Variants in EPHA5 observed in about 807,000 individuals in gnomAD.
EPHA5 encodes the protein ephrin type-A receptor 5.
In EPHA5, 60 loss-of-function variants were observed where a neutral mutation model predicts 105.0. The ratio of observed to expected loss-of-function variants is 0.57; its 90% confidence interval spans 0.46 to 0.71. The LOEUF is 0.71. Among genes scored for constraint, EPHA5 ranks in the 30% least tolerant of loss-of-function variants. The probability of loss-of-function intolerance (pLI) is 0.00; values close to 1 mark genes in which losing one functional copy is unlikely to be tolerated. For missense variants in EPHA5, 1,218 were observed against 1,274.7 expected (o/e 0.96, Z 0.68); for synonymous variants, 513 against 449.1 (o/e 1.14, Z -1.80).
At chr4:65,631,279 G>A (rs1478668500) in intron 2 of EPHA5, among the ~76,000 whole-genome samples, 5 of 152,056 alleles carry the variant, frequency 3.3e-5, no homozygotes, top group African/African-American at 1.2e-4. Flanking sequence ...TCATATCAGT[G>A]AAAAACAATT....
chr4:65,646,119 C>G (rs1578677406), intron 1 of EPHA5, among the ~76,000 whole-genome samples: 1 of 152,180 alleles, frequency 6.6e-6, no homozygotes, highest in South Asian at 2.1e-4. Context: ...CTAACGTTTC[C>G]TTTGTCCTTC....
chr4:65,373,298 C>T (rs1326391380), intron 8 of EPHA5, among the ~76,000 whole-genome samples: 4 of 151,848 alleles, frequency 2.6e-5, no homozygotes, highest in African/African-American at 9.7e-5. Context: ...AACAACACCC[C>T]CATCTGCCTA....
At chr4:65,462,525 G>A (rs1212974263) in intron 5 of EPHA5, among the ~76,000 whole-genome samples, 5 of 152,142 alleles carry the variant, frequency 3.3e-5, no homozygotes, top group African/African-American at 9.7e-5. Context: ...CTGGGCACTA[G>A]GCTTGTCCAA....
At chr4:65,546,565 AT>A (rs1737393427) in intron 3 of EPHA5, among the ~76,000 whole-genome samples, 1 of 151,994 alleles carries the variant, frequency 6.6e-6, no homozygotes, top group African/African-American at 2.4e-5. Flanking sequence ...AGTGAGACAT[AT>A]TTGCAAATGT....
At chr4:65,451,946 C>A (rs925769625) in intron 5 of EPHA5, among the ~76,000 whole-genome samples, 17 of 152,084 alleles carry the variant, frequency 1.1e-4, no homozygotes, top group Admixed American at 1.0e-3. Context: ...ACATTTTCTT[C>A]TTTAAATGTC....
intron 3 of EPHA5, among the ~76,000 whole-genome samples, chr4:65,572,935 G>A (rs978045091): frequency 6.6e-6 from 1 of 151,966 alleles, no homozygotes; most frequent in Non-Finnish European, 1.5e-5. Flanking sequence ...GGAGACTTAG[G>A]CAAGAGAATC....
At chr4:65,654,241 GAA>G (rs35249905) in intron 1 of EPHA5, among the ~76,000 whole-genome samples, 2 of 136,092 alleles carry the variant, frequency 1.5e-5, no homozygotes, top group Admixed American at 1.5e-4. Flanking sequence ...CTTCTTTCTT[GAA>G]AAAAAAAAAA....
At chr4:65,330,955 G>A in intron 16 of EPHA5, 1 of 1,043,472 alleles carries the variant, frequency 9.6e-7, no homozygotes, top group Non-Finnish European at 1.2e-6. Flanking sequence ...GTGATAAATG[G>A]TGGTACCCTG....
chr4:65,445,476 G>A (rs1389762038), intron 5 of EPHA5, among the ~76,000 whole-genome samples: 2 of 152,062 alleles, frequency 1.3e-5, no homozygotes, highest in African/African-American at 4.8e-5. Flanking sequence ...TATGAGAAAA[G>A]TTAATTGGTC....
At chr4:65,625,583 G>C (rs1161324718) in intron 2 of EPHA5, among the ~76,000 whole-genome samples, 1 of 151,994 alleles carries the variant, frequency 6.6e-6, no homozygotes, top group Non-Finnish European at 1.5e-5. Flanking sequence ...TCTTTAGTAA[G>C]TTGTAGTAAT....
intron 14 of EPHA5, among the ~76,000 whole-genome samples, chr4:65,337,565 A>C (rs1035063891): frequency 6.6e-6 from 1 of 152,108 alleles, no homozygotes; most frequent in Non-Finnish European, 1.5e-5. Flanking sequence ...AGTAGTTAAA[A>C]CCAAGCAAAT....
At chr4:65,521,663 G>A (rs1734734393) in intron 3 of EPHA5, among the ~76,000 whole-genome samples, 1 of 151,858 alleles carries the variant, frequency 6.6e-6, no homozygotes, top group African/African-American at 2.4e-5. Flanking sequence ...GAAGTATGCT[G>A]AGCTTGGGAA....
At chr4:65,547,309 A>AG (rs1312181135) in intron 3 of EPHA5, among the ~76,000 whole-genome samples, 18 of 151,684 alleles carry the variant, frequency 1.2e-4, no homozygotes, top group Non-Finnish European at 2.7e-4. Flanking sequence ...AAAAAAAAAA[A>AG]AAAGAAAGAA....
At chr4:65,639,729 T>C (rs1317986165) in intron 2 of EPHA5, among the ~76,000 whole-genome samples, 2 of 152,136 alleles carry the variant, frequency 1.3e-5, no homozygotes, top group Admixed American at 1.3e-4. Flanking sequence ...CTGTGTTCTT[T>C]CCACCGATCT....
At chr4:65,588,828 G>A (rs897876748) in intron 3 of EPHA5, among the ~76,000 whole-genome samples, 1 of 152,106 alleles carries the variant, frequency 6.6e-6, no homozygotes, top group African/African-American at 2.4e-5. Context: ...ACCAGGTTGA[G>A]TGTGCTCCTA....
intron 5 of EPHA5, among the ~76,000 whole-genome samples, chr4:65,468,868 A>G (rs1248094538): frequency 1.3e-5 from 2 of 151,814 alleles, no homozygotes; most frequent in East Asian, 3.9e-4. Context: ...CCCTAAATCC[A>G]TTCCATTTAC....
chr4:65,596,687 C>T (rs936638024), intron 3 of EPHA5, among the ~76,000 whole-genome samples: 7 of 149,930 alleles, frequency 4.7e-5, no homozygotes, highest in African/African-American at 1.7e-4. Flanking sequence ...GCAGAACACA[C>T]ACACACACAC....
chr4:65,369,289 A>G (rs1718226099), intron 8 of EPHA5, among the ~76,000 whole-genome samples: 1 of 152,190 alleles, frequency 6.6e-6, no homozygotes, highest in Non-Finnish European at 1.5e-5. Flanking sequence ...ACAACATTAA[A>G]CAACTGGCTA....
At chr4:65,410,919 G>C (rs772284043) in intron 7 of EPHA5, among the ~76,000 whole-genome samples, 1 of 152,122 alleles carries the variant, frequency 6.6e-6, no homozygotes, top group South Asian at 2.1e-4. Context: ...TAAAGGTTAA[G>C]ATAGATTCCG....
Sources: gnomAD v4.1 joint callset for allele counts (sites outside exome capture counted in the v4.1 genomes callset) on GRCh38, gnomAD v4.1.1 for gene constraint, MANE v1.5 for transcripts, NCBI Gene and HGNC (gene_info 2026-07-23, HGNC 2026-07-21) for gene names.